HERPUD1: variants seen among roughly 807,000 people sequenced by gnomAD.
HERPUD1 encodes homocysteine-responsive endoplasmic reticulum-resident ubiquitin-like domain member 1 protein.
In HERPUD1, 17 loss-of-function variants were observed where a neutral mutation model predicts 45.0. The ratio of observed to expected loss-of-function variants is 0.38; its 90% CI spans 0.26 to 0.57. HERPUD1 has a LOEUF of 0.57. HERPUD1 is among the 20% of genes least tolerant of loss of function. The pLI, the probability that HERPUD1 is intolerant of heterozygous loss-of-function variation, is 0.72. For missense variants in HERPUD1, 420 were observed against 490.5 expected (o/e 0.86, Z 1.36); for synonymous variants, 164 against 177.5 (o/e 0.92, Z 0.61).
At chr16:56,943,015 T>TGGGGCAG (rs1722266818) in intron 7 of HERPUD1, 111 bp from the exon 8 acceptor site, 10 of 1,112,522 alleles carry the variant, frequency 9.0e-6, no homozygotes, top group Non-Finnish European at 1.1e-5. Context: ...GCTGTGCCTA[T>TGGGGCAG]GGGGCAGGGG....
chr16:56,935,259 T>G lies in HERPUD1; in HGVS notation c.172T>G (p.Tyr58Asp), dbSNP rs781010904. Reference sequence around the variant, plus strand: ...GCGTCCAGAGGACCAGAGGTTAATTTATTCTGGGAAGCTGTTGTTGGATCA... The same window carrying G: ...GCGTCCAGAGGACCAGAGGTTAATTGATTCTGGGAAGCTGTTGTTGGATCA... The part of the protein sequence containing the change: ...RPRPEDQRLI[Y>D]SGKLLLDHQC... Residue 58 changes from tyrosine to aspartate, a missense_variant, in exon 2 of 8, where the codon TAT (tyrosine) becomes GAT (aspartate). Tyr to Asp is a radical substitution (Grantham distance 160). Coordinates refer to ENST00000439977, the MANE Select transcript of HERPUD1 (RefSeq NM_014685.4). 2 of 1,613,944 alleles carry G rather than the reference T, an allele frequency of 1.2e-6. No homozygotes were observed. Among genetic ancestry groups the G allele is most frequent in the South Asian group, 2.2e-5 (2 of 91,080 alleles).
At chr16:56,940,281 C>A (rs1177262886) in intron 6 of HERPUD1, 36 bp downstream of exon 6, 2 of 1,418,878 alleles carry the variant, frequency 1.4e-6, no homozygotes, top group African/African-American at 1.4e-5. Flanking sequence ...AATTACACTA[C>A]ACTGTGTTCA....
Position 56,943,277 on chromosome 16 carries a change from C to G in HERPUD1, c.1163C>G (p.Ala388Gly), listed in dbSNP as rs1460461179. The change falls in exon 8 of 8, where the codon GCC becomes GGC. Residue 388 changes from alanine to glycine, a missense_variant. By Grantham distance (60) the Ala-to-Gly change is moderately conservative. Coordinates refer to ENST00000439977, the MANE Select transcript of HERPUD1 (RefSeq NM_014685.4). ...TCTCTTCTTCCAGAAGGCCCCCCAG[C>G]CATCGCAAACTGATGGTGTTTGTGC... The part of the protein sequence containing the change: ...FASLLPEGPP[A>G]IAN 1.2e-6 allele frequency: 2 copies of G among 1,614,114 alleles called. No homozygotes were observed. Among genetic ancestry groups the G allele is most frequent in the African/African-American group, 1.3e-5 (1 of 75,044 alleles).
intron 3 of HERPUD1, 169 bp downstream of exon 3, chr16:56,935,644 G>A (rs1363405985): frequency 5.7e-5 from 36 of 629,408 alleles, no homozygotes; most frequent in Non-Finnish European, 8.7e-5. Context: ...ACAAAGTGAT[G>A]AGTTAATAGT....
chr16:56,943,262 C>T lies in HERPUD1; in HGVS notation c.1148C>T (p.Pro383Leu). The T allele has an allele frequency of 6.2e-7, 1 of 1,614,116 alleles. No individual in the cohort carries two copies. The highest frequency in any genetic ancestry group is 1.3e-5 in the African/African-American group (1 of 75,012). ...AAGACTTTCTTTGCCTCTCTTCTTC[C>T]AGAAGGCCCCCCAGCCATCGCAAAC... ...VFKTFFASLL[P>L]EGPPAIAN Residue 383 changes from proline (P) to leucine (L), a missense_variant, in exon 8 of 8, where the codon CCA becomes CTA. Physicochemically the swap from Pro to Leu is moderately conservative, Grantham distance 98 (BLOSUM62 -3). Coordinates refer to ENST00000439977, the MANE Select transcript of HERPUD1 (RefSeq NM_014685.4).
At chr16:56,939,802 A>T in intron 5 of HERPUD1, 93 bp from the exon 6 acceptor site, 1 of 953,752 alleles carries the variant, frequency 1.0e-6, no homozygotes, top group Non-Finnish European at 1.6e-6. Context: ...CCTACTTGAA[A>T]TTCTTAACAG....
At chr16:56,942,690 A>G (rs1344791796) in intron 7 of HERPUD1, among the ~76,000 whole-genome samples, 1 of 152,166 alleles carries the variant, frequency 6.6e-6, no homozygotes, top group African/African-American at 2.4e-5. Flanking sequence ...CCCCGTCTCT[A>G]CTAAAATTAC....
At chr16:56,940,711 C>T (rs1406767802) in intron 6 of HERPUD1, among the ~76,000 whole-genome samples, 1 of 151,894 alleles carries the variant, frequency 6.6e-6, no homozygotes, top group Non-Finnish European at 1.5e-5. Context: ...CCTGTAATCC[C>T]AGCAGTTTGG....
At chr16:56,940,644 TAGA>T (rs551622765) in intron 6 of HERPUD1, among the ~76,000 whole-genome samples, 28 of 149,662 alleles carry the variant, frequency 1.9e-4, no homozygotes, top group Non-Finnish European at 3.7e-4. Flanking sequence ...TCAGTTACTG[TAGA>T]AGGAGATGTG....
intron 6 of HERPUD1, 93 bp from the exon 7 acceptor site, chr16:56,942,039 T>C: frequency 1.1e-6 from 1 of 929,890 alleles, no homozygotes; most frequent in South Asian, 1.4e-5. Flanking sequence ...CTTATCAGGG[T>C]GCTGCTGTGA....
intron 1 of HERPUD1, chr16:56,933,187 C>G (rs559924416): frequency 2.2e-6 from 1 of 447,852 alleles, no homozygotes; most frequent in East Asian, 7.0e-5. Context: ...TTCTTCACTG[C>G]CCACGAGCAT....
At chr16:56,937,023 T>TGTGTACTAA (rs1384701047) in intron 4 of HERPUD1, 6 of 410,974 alleles carry the variant, frequency 1.5e-5, no homozygotes, top group Non-Finnish European at 8.5e-6. Flanking sequence ...ATTTAAAAAG[T>TGTGTACTAA]AGGTAATGCA....
chr16:56,939,782 G>A (rs2055894699), intron 5 of HERPUD1, 113 bp from the exon 6 acceptor site: 2 of 756,892 alleles, frequency 2.6e-6, no homozygotes, highest in Admixed American at 5.5e-5. Flanking sequence ...AAAAATCAAA[G>A]GCATATCTAC....
At position 56,939,243 on chromosome 16, in the gene HERPUD1, A is replaced by C. The variant is rs747303440; in HGVS notation, c.438A>C (p.Glu146Asp). Residue 146 changes from glutamate (E) to aspartate (D), a missense_variant, in exon 5 of 8, where the codon GAA (glutamate) becomes GAC (aspartate). Glu to Asp is a conservative substitution (Grantham distance 45). Coordinates refer to ENST00000439977, the MANE Select transcript of HERPUD1 (RefSeq NM_014685.4). Reference protein sequence around the residue: ...SPGWENISRPEAAQQAFQGLG... With the variant: ...SPGWENISRPDAAQQAFQGLG... ...TTTTCAAATCTATGTATAGGCCTGAAGCTGCCCAGCAGGCATTCCAAGGCC... is the reference window on the plus strand; with the variant it reads ...TTTTCAAATCTATGTATAGGCCTGACGCTGCCCAGCAGGCATTCCAAGGCC... The C allele has an allele frequency of 3.7e-6, 6 of 1,614,176 alleles. No homozygotes were observed. Among genetic ancestry groups the C allele is most frequent in the Middle Eastern group, 1.6e-4 (1 of 6,062 alleles).
At chr16:56,935,504 A>G (rs2055860083) in intron 3 of HERPUD1, 29 bp downstream of exon 3, 2 of 1,575,690 alleles carry the variant, frequency 1.3e-6, no homozygotes, top group African/African-American at 1.3e-5. Context: ...GATGGTAACA[A>G]TTTGTATCAT....
rs2055834117 is a variant in HERPUD1, at chr16:56,932,495, CT to C, written c.147+105del. The C allele has an allele frequency of 3.6e-6, 4 of 1,109,054 alleles. No homozygotes were observed. In the Admixed American group the frequency reaches 8.8e-5, roughly 24 times the overall value. 68.7% of individuals were successfully genotyped at this position (1,109,054 alleles called of 1,614,324 possible). On this transcript the variant is annotated intron_variant, in intron 1 of 7. Transcript: ENST00000439977. ...TCCTGTGGCCTCCTCCCGCTGACGGCTGCGATCGCTCGGCCGGTCACCTCCC... is the reference window on the plus strand; with the variant it reads ...TCCTGTGGCCTCCTCCCGCTGACGGCGCGATCGCTCGGCCGGTCACCTCCC...
intron 1 of HERPUD1, chr16:56,933,088 CGCCT>C: frequency 2.7e-6 from 1 of 364,098 alleles, no homozygotes; most frequent in South Asian, 2.1e-5. Context: ...CCCTTAGCAC[CGCCT>C]GCCCTGGCCA....
chr16:56,942,659 A>G lies in HERPUD1; in HGVS notation c.1011+422A>G, dbSNP rs534010086. ...CACCTGAGGTCAGGAGTTTAAGACC[A>G]GCCTGGCCAACATGGTGACACCCCG... On this transcript the variant is annotated intron_variant, in intron 7 of 7. Coordinates refer to ENST00000439977, the MANE Select transcript of HERPUD1 (RefSeq NM_014685.4). Among the ~76,000 whole-genome samples the G allele has an allele frequency of 8.5e-5, 13 of 152,204 alleles. No individual in the cohort carries two copies. The South Asian group carries it at 2.7e-3, about 32-fold the overall frequency.
intron 4 of HERPUD1, among the ~76,000 whole-genome samples, chr16:56,937,908 G>C (rs931938029): frequency 4.6e-5 from 7 of 151,712 alleles, no homozygotes; most frequent in African/African-American, 7.3e-5. Flanking sequence ...ATATAAATTG[G>C]ATAATTATTG....
Sources: gnomAD v4.1 joint callset for allele counts (sites outside exome capture counted in the v4.1 genomes callset) on GRCh38, gnomAD v4.1.1 for gene constraint, MANE v1.5 for transcripts, NCBI Gene and HGNC (gene_info 2026-07-23, HGNC 2026-07-21) for gene names.